PPARGC1A: variants seen among roughly 807,000 people sequenced by gnomAD.
The protein encoded by PPARGC1A is PPARG coactivator 1 alpha, also known as peroxisome proliferator-activated receptor gamma coactivator 1-alpha.
A neutral mutation model predicts 88.7 loss-of-function variants in PPARGC1A; 25 were observed. The observed-to-expected ratio is 0.28, with a 90% CI of 0.21 to 0.39. PPARGC1A has a LOEUF of 0.39. Ranked by LOEUF, PPARGC1A falls within the 10% of genes least tolerant of loss-of-function variation. PPARGC1A has a pLI of 1.00. For synonymous variants in PPARGC1A, 363 were observed against 355.6 expected (o/e 1.02, Z -0.24); for missense variants, 880 against 968.7 (o/e 0.91, Z 1.22).
the PPARGC1A span, among the ~76,000 whole-genome samples, chr4:24,227,311 T>A: frequency 2.6e-4 from 39 of 152,294 alleles, no homozygotes; most frequent in Non-Finnish European, 5.0e-4. Context: ...GGTTTCGAAC[T>A]CTTGAGCTCA....
chr4:24,097,534 G>GT, the PPARGC1A span, among the ~76,000 whole-genome samples: 1,022 of 151,772 alleles, frequency 6.7e-3, 5 homozygotes, highest in East Asian at 0.051. Flanking sequence ...TTTTTAGGTG[G>GT]TTTTTTTTCA....
chr4:23,844,758 T>TC, intron 2 of PPARGC1A, among the ~76,000 whole-genome samples: 1 of 109,362 alleles, frequency 9.1e-6, no homozygotes, highest in African/African-American at 4.3e-5. Context: ...ATATGATATA[T>TC]ATTATAATAA....
chr4:24,200,445 A>C, the PPARGC1A span, among the ~76,000 whole-genome samples: 1 of 152,000 alleles, frequency 6.6e-6, no homozygotes, highest in Non-Finnish European at 1.5e-5. Flanking sequence ...CAGGAGGCAG[A>C]GGTTGCAGTG....
the PPARGC1A span, among the ~76,000 whole-genome samples, chr4:24,363,753 T>C: frequency 3.0e-4 from 45 of 152,342 alleles, no homozygotes; most frequent in African/African-American, 1.0e-3. Flanking sequence ...TAGCATTAGT[T>C]GACATCAGGA....
At chr4:24,337,967 C>A in the PPARGC1A span, among the ~76,000 whole-genome samples, 1 of 152,264 alleles carries the variant, frequency 6.6e-6, no homozygotes, top group African/African-American at 2.4e-5. Context: ...GCAGGGGTGG[C>A]TTTCCTACCT....
intron 10 of PPARGC1A, among the ~76,000 whole-genome samples, chr4:23,806,382 A>G (rs1215597012): frequency 6.6e-6 from 1 of 152,252 alleles, no homozygotes; most frequent in Non-Finnish European, 1.5e-5. Context: ...TAGATTTCAT[A>G]TCTTTAAAAA....
the PPARGC1A span, among the ~76,000 whole-genome samples, chr4:24,344,928 G>C: frequency 6.6e-6 from 1 of 152,084 alleles, no homozygotes; most frequent in Non-Finnish European, 1.5e-5. Context: ...GTTGATTTTT[G>C]TATAAAATGA....
the PPARGC1A span, among the ~76,000 whole-genome samples, chr4:24,060,639 T>A: frequency 6.6e-6 from 1 of 152,322 alleles, no homozygotes; most frequent in Non-Finnish European, 1.5e-5. Context: ...AGGGAGCAAT[T>A]TGAAGGGAGT....
At chr4:24,419,126 G>A in the PPARGC1A span, among the ~76,000 whole-genome samples, 1 of 152,038 alleles carries the variant, frequency 6.6e-6, no homozygotes, top group African/African-American at 2.4e-5. Context: ...AAGCAGGAGA[G>A]GGGGCTGGCA....
At chr4:24,352,662 C>T in the PPARGC1A span, among the ~76,000 whole-genome samples, 1 of 152,202 alleles carries the variant, frequency 6.6e-6, no homozygotes, top group Non-Finnish European at 1.5e-5. Flanking sequence ...CATGAGCAAA[C>T]TTATATCCCC....
chr4:24,410,570 G>C, the PPARGC1A span, among the ~76,000 whole-genome samples: 1 of 152,188 alleles, frequency 6.6e-6, no homozygotes, highest in Non-Finnish European at 1.5e-5. Context: ...TCCTGGATGT[G>C]TCTGTTAGGA....
chr4:24,317,596 A>AAAAAAAAAAC, the PPARGC1A span, among the ~76,000 whole-genome samples: 2 of 131,134 alleles, frequency 1.5e-5, no homozygotes, highest in African/African-American at 6.4e-5. Flanking sequence ...AAAAAAAAAA[A>AAAAAAAAAAC]CACCACCACC....
chr4:24,425,134 T>G, the PPARGC1A span, among the ~76,000 whole-genome samples: 4 of 152,176 alleles, frequency 2.6e-5, no homozygotes, highest in African/African-American at 7.2e-5. Flanking sequence ...CCTCTCCAGT[T>G]TGGCAAAGAA....
chr4:23,865,443 A>G (rs1316988185), intron 2 of PPARGC1A, among the ~76,000 whole-genome samples: 2 of 152,202 alleles, frequency 1.3e-5, no homozygotes, highest in Non-Finnish European at 2.9e-5. Flanking sequence ...ATTGACACTT[A>G]GCACGGCCCC....
At chr4:24,063,478 A>C in the PPARGC1A span, among the ~76,000 whole-genome samples, 1 of 152,148 alleles carries the variant, frequency 6.6e-6, no homozygotes, top group South Asian at 2.1e-4. Context: ...GTAGGGAGTG[A>C]CTTCTGCCAA....
chr4:24,154,787 G>A, the PPARGC1A span, among the ~76,000 whole-genome samples: 1 of 152,144 alleles, frequency 6.6e-6, no homozygotes, highest in African/African-American at 2.4e-5. Flanking sequence ...GAAACACAAA[G>A]CGAGACGCAG....
the PPARGC1A span, among the ~76,000 whole-genome samples, chr4:24,031,876 T>C: frequency 1.3e-5 from 2 of 152,208 alleles, no homozygotes; most frequent in African/African-American, 4.8e-5. Flanking sequence ...AGAAATGACC[T>C]TGGACATCAT....
At chr4:23,905,447 TAAAC>T (rs988467635), upstream of PPARGC1A, among the ~76,000 whole-genome samples, 4 of 152,242 alleles carry the variant, frequency 2.6e-5, no homozygotes, top group Non-Finnish European at 5.9e-5. Context: ...ACAACTGTAA[TAAAC>T]AAGTCTAAGG....
At chr4:24,362,341 A>C in the PPARGC1A span, among the ~76,000 whole-genome samples, 1 of 143,650 alleles carries the variant, frequency 7.0e-6, no homozygotes, top group Admixed American at 6.8e-5. Flanking sequence ...GAGCTTCTTG[A>C]ACACATGACT....
Sources: gnomAD v4.1 joint callset for allele counts (sites outside exome capture counted in the v4.1 genomes callset) on GRCh38, gnomAD v4.1.1 for gene constraint, MANE v1.5 for transcripts, NCBI Gene and HGNC (gene_info 2026-07-23, HGNC 2026-07-21) for gene names.